The following CYP2F1 variants were observed in gnomAD, a reference collection of about 807,000 sequenced individuals.
CYP2F1 encodes cytochrome P450 2F1.
In CYP2F1, 33 loss-of-function variants were observed where a neutral mutation model predicts 40.4. That is an observed-to-expected ratio of 0.82 (90% CI 0.62 to 1.09). CYP2F1 has a LOEUF of 1.09. CYP2F1 is among the 50% of genes least tolerant of loss of function. CYP2F1 has a pLI of 0.00. For missense variants in CYP2F1, 566 were observed against 655.7 expected, an observed-to-expected ratio of 0.86 and a Z score of 1.49; for synonymous variants, 235 against 277.2, an observed-to-expected ratio of 0.85 and a Z score of 1.51.
Position 41,124,735 on chromosome 19 carries a change from G to A in CYP2F1, c.981G>A (p.Glu327=). 1.2e-6 allele frequency: 2 copies of A among 1,603,466 alleles called. No homozygotes were observed. Among genetic ancestry groups the A allele is most frequent in the Non-Finnish European group, 1.7e-6 (2 of 1,179,370 alleles). ...YPKVQARVQE[E]IDLVVGRARL... is the part of the protein sequence containing the mutation. ...CCTCTCCAGCCCGCGTGCAGGAGGA[G>A]ATCGACCTCGTGGTGGGACGCGCGC... The change falls in exon 8 of 10, where the codon GAG becomes GAA. Residue 327 remains glutamate (E), a synonymous_variant. Transcript: ENST00000331105.
At chr19:41,124,692 C>G (rs748277732) in intron 7 of CYP2F1, 27 bp from the exon 8 acceptor site, 1 of 1,591,002 alleles carries the variant, frequency 6.3e-7, no homozygotes, top group Admixed American at 1.7e-5. Context: ...CTGATACCCT[C>G]GACCCCGCTT....
chr19:41,124,284 G>C (rs145786080), intron 7 of CYP2F1, among the ~76,000 whole-genome samples: 1 of 68,208 alleles, frequency 1.5e-5, no homozygotes, highest in African/African-American at 5.7e-5. Flanking sequence ...TTTTTTTTGA[G>C]ACGGAATCTT....
At chr19:41,122,250 A>G in intron 6 of CYP2F1, 117 bp downstream of exon 6, 1 of 989,072 alleles carries the variant, frequency 1.0e-6, no homozygotes, top group Non-Finnish European at 1.5e-6. Context: ...TCCCTGGAGA[A>G]GCTGAAGCAT....
chr19:41,120,639 A>G (rs996183551), intron 4 of CYP2F1, 143 bp downstream of exon 4: 2 of 915,528 alleles, frequency 2.2e-6, no homozygotes, highest in Non-Finnish European at 3.4e-6. Flanking sequence ...GCTCCACCAC[A>G]CCCAGCTTAT....
intron 3 of CYP2F1, 113 bp downstream of exon 3, chr19:41,116,730 T>C (rs769759085): frequency 9.9e-6 from 12 of 1,206,780 alleles, no homozygotes; most frequent in Non-Finnish European, 1.2e-5. Flanking sequence ...CTGACATCAC[T>C]GATGACACCA....
At chr19:41,124,257 T>TCAC (rs1568381454) in intron 7 of CYP2F1, among the ~76,000 whole-genome samples, 1 of 20,760 alleles carries the variant, frequency 4.8e-5, no homozygotes, top group Non-Finnish European at 9.1e-5. Context: ...CCCCCCCCCT[T>TCAC]TTTTTTTTTT....
At chr19:41,124,606 C>T in intron 7 of CYP2F1, 113 bp from the exon 8 acceptor site, 2 of 1,005,548 alleles carry the variant, frequency 2.0e-6, no homozygotes, top group Non-Finnish European at 2.9e-6. Context: ...TGGCGCCCCG[C>T]GCTGGGAGAC....
In CYP2F1 at chr19:41,121,757, C is replaced by T; in HGVS notation, c.645+139C>T. ...TCCCATCTGACCCCACCCAGAGTTA[C>T]ACGGCCACGCCCACTCCCCTCCACT... On this transcript the variant is annotated intron_variant, in intron 5 of 9. Coordinates refer to ENST00000331105, the MANE Select transcript of CYP2F1 (RefSeq NM_000774.5). 4 of 798,078 alleles carry T rather than the reference C, an allele frequency of 5.0e-6. No individual in the cohort carries two copies. In the South Asian group the frequency reaches 5.1e-5, roughly 10 times the overall value. The allele number at this position is 798,078 out of a possible 1,614,324, so 49.4% of individuals were successfully genotyped here.
At chr19:41,124,255 C>CCCCCTTTT (rs1568381420) in intron 7 of CYP2F1, among the ~76,000 whole-genome samples, 1 of 35,250 alleles carries the variant, frequency 2.8e-5, no homozygotes, top group African/African-American at 1.2e-4. Context: ...TCCCCCCCCC[C>CCCCCTTTT]TTTTTTTTTT....
At position 41,125,660 on chromosome 19, in the gene CYP2F1, T is replaced by C. The variant is rs191741527; in HGVS notation, c.1294+26T>C. ...GTGAGGGCAGGAATCAGAGTCTTTC[T>C]GGCCCAATTTCTACCTACATTCCTC... On this transcript the variant is annotated intron_variant, in intron 9 of 9. Transcript: ENST00000331105. 74 of 1,613,916 alleles carry C rather than the reference T, an allele frequency of 4.6e-5. No individual in the cohort carries two copies. In the African/African-American group the frequency reaches 6.9e-4, roughly 15 times the overall value.
intron 1 of CYP2F1, among the ~76,000 whole-genome samples, chr19:41,115,698 TA>T (rs1336987991): frequency 6.6e-6 from 1 of 151,288 alleles, no homozygotes; most frequent in Admixed American, 6.6e-5. Context: ...AGATGATAGA[TA>T]GATAGATAGA....
chr19:41,122,795 C>T (rs762879746), intron 6 of CYP2F1, 27 bp from the exon 7 acceptor site: 17 of 1,514,112 alleles, frequency 1.1e-5, no homozygotes, highest in Non-Finnish European at 1.4e-5. Context: ...ATTCCTGGCT[C>T]ACATCCCCAC....
At position 41,116,523 on chromosome 19, in the gene CYP2F1, G is replaced by T. The variant is rs1330038897; in HGVS notation, c.240G>T (p.Gly80=). The change falls in exon 3 of 10, where the codon GGG becomes GGT. Residue 80 remains glycine, a synonymous_variant. Coordinates refer to ENST00000331105, the MANE Select transcript of CYP2F1 (RefSeq NM_000774.5). Reference sequence around the variant, plus strand: ...CCAGGCGGGTGGTGGTCCTCAGCGGGTACCAAGCTGTGAAGGAGGCCCTGG... The same window carrying T: ...CCAGGCGGGTGGTGGTCCTCAGCGGTTACCAAGCTGTGAAGGAGGCCCTGG... The part of the protein sequence containing the change: ...LGPRRVVVLS[G]YQAVKEALVD... The T allele has an allele frequency of 1.9e-6, 3 of 1,614,058 alleles. No individual in the cohort carries two copies. The highest frequency in any genetic ancestry group is 2.2e-5 in the South Asian group (2 of 91,074).
At chr19:41,118,418 T>C (rs1340927376) in intron 3 of CYP2F1, among the ~76,000 whole-genome samples, 1 of 152,150 alleles carries the variant, frequency 6.6e-6, no homozygotes, top group East Asian at 1.9e-4. Flanking sequence ...TCTCCCTGGC[T>C]CCTGCATTAG....
In CYP2F1 at chr19:41,120,345, A is replaced by G; in HGVS notation, c.335-2A>G. The G allele has an allele frequency of 6.3e-7, 1 of 1,586,616 alleles. No homozygotes were observed. The highest frequency in any genetic ancestry group is 1.1e-5 in the South Asian group (1 of 87,398). On this transcript the variant is annotated splice_acceptor_variant, in intron 3 of 9. Coordinates refer to ENST00000331105, the MANE Select transcript of CYP2F1 (RefSeq NM_000774.5). LOFTEE classifies it high-confidence loss of function. ...AAGCTGGTCCCCTCCTCTTCTCCCC[A>G]GGCATCGCCTTCTCCAGTGGGGATC...
intron 7 of CYP2F1, 130 bp from the exon 8 acceptor site, chr19:41,124,589 C>T: frequency 1.2e-6 from 1 of 838,322 alleles, no homozygotes; most frequent in South Asian, 1.8e-5. Flanking sequence ...CACGTGCGCC[C>T]CAGCAGTGGC....
In CYP2F1 at chr19:41,119,746, TATACAC is replaced by T. The variant is rs1252691014; in HGVS notation, c.335-599_335-594del. 5.8e-3 allele frequency among the ~76,000 whole-genome samples: 312 copies of T among 54,178 alleles called. 4 individuals carry two copies. Among genetic ancestry groups the T allele is most frequent in the South Asian group, 0.019 (18 of 962 alleles). The allele number at this position is 54,178 out of a possible 152,430, so 35.5% of individuals were successfully genotyped here. A position where few individuals can be genotyped will look rare whatever the true frequency, so the allele number is the denominator to read the frequency against. ...CTCTATATATATATATATATATATATATACACACACACACACACACACACACACACA... is the reference window on the plus strand; with the variant it reads ...CTCTATATATATATATATATATATATACACACACACACACACACACACACA... On this transcript the variant is annotated intron_variant, in intron 3 of 9. Transcript: ENST00000331105.
At chr19:41,116,393 G>A (rs1480534885) in intron 2 of CYP2F1, 34 bp downstream of exon 2, 3 of 1,610,738 alleles carry the variant, frequency 1.9e-6, no homozygotes, top group African/African-American at 1.3e-5. Context: ...ATGGTGGAAG[G>A]ATAAGGAGGA....
At chr19:41,117,231 T>A (rs1010864788) in intron 3 of CYP2F1, among the ~76,000 whole-genome samples, 2 of 151,952 alleles carry the variant, frequency 1.3e-5, no homozygotes, top group Admixed American at 6.6e-5. Context: ...CCCAGGCTCA[T>A]GCGATTCTCC....
Sources: gnomAD v4.1 joint callset for allele counts (sites outside exome capture counted in the v4.1 genomes callset) on GRCh38, gnomAD v4.1.1 for gene constraint, MANE v1.5 for transcripts, NCBI Gene and HGNC (gene_info 2026-07-23, HGNC 2026-07-21) for gene names.